Variants in SYT1 observed in about 807,000 individuals in gnomAD.
SYT1 encodes synaptotagmin-1.
Under a neutral mutation model 44.8 loss-of-function variants are expected in SYT1, and 8 were observed. The ratio of observed to expected loss-of-function variants is 0.18; its 90% confidence interval spans 0.10 to 0.32. SYT1 has a LOEUF of 0.32. Ranked by LOEUF, SYT1 falls within the 10% of genes least tolerant of loss-of-function variation. The pLI is 1.00. For synonymous variants in SYT1, 154 were observed against 188.8 expected, an observed-to-expected ratio of 0.82 and a Z score of 1.51; for missense variants, 286 against 509.3, an observed-to-expected ratio of 0.56 and a Z score of 4.22.
At position 79,314,124 on chromosome 12, in the gene SYT1, G is replaced by C. The variant is rs564778358; in HGVS notation, c.810+14573G>C. Among the ~76,000 whole-genome samples the C allele has an allele frequency of 1.3e-3, 175 of 137,866 alleles. 2 individuals carry two copies. Among genetic ancestry groups the C allele is most frequent in the African/African-American group, 4.7e-3 (162 of 34,286 alleles). The allele number at this position is 137,866 out of a possible 152,430, so 90.4% of individuals were successfully genotyped here. A position where few individuals can be genotyped will look rare whatever the true frequency, so the allele number is the denominator to read the frequency against. On this transcript the variant is annotated intron_variant, in intron 8 of 10. Coordinates refer to ENST00000261205, the MANE Select transcript of SYT1 (RefSeq NM_005639.3). ...GCGGAGCTTGCAGTGAGCCGAGATC[G>C]CGCCACTGCACTCCAGCCTGGGCGA...
intron 3 of SYT1, among the ~76,000 whole-genome samples, chr12:79,200,547 C>T (rs1477777790): frequency 2.0e-5 from 3 of 152,104 alleles, no homozygotes; most frequent in Admixed American, 2.0e-4. Flanking sequence ...CTCTGCCAGA[C>T]AGAAAATGCT....
intron 8 of SYT1, among the ~76,000 whole-genome samples, chr12:79,320,644 T>C (rs1270423432): frequency 2.0e-5 from 3 of 148,914 alleles, no homozygotes; most frequent in African/African-American, 7.5e-5. Context: ...TTTTTCTTTT[T>C]CCCCTTTTTT....
intron 1 of SYT1, among the ~76,000 whole-genome samples, chr12:78,930,366 A>G (rs935105305): frequency 2.6e-5 from 4 of 152,128 alleles, no homozygotes; most frequent in African/African-American, 9.7e-5. Flanking sequence ...GAAGGAAAAT[A>G]CAATGCAAAT....
At chr12:79,160,878 A>G (rs1241245017) in intron 3 of SYT1, among the ~76,000 whole-genome samples, 2 of 152,150 alleles carry the variant, frequency 1.3e-5, no homozygotes, top group South Asian at 2.1e-4. Context: ...AGCAGAAGTC[A>G]TGTGGTGCAT....
intron 4 of SYT1, among the ~76,000 whole-genome samples, chr12:79,232,020 T>A (rs963300683): frequency 6.6e-6 from 1 of 152,234 alleles, no homozygotes; most frequent in Non-Finnish European, 1.5e-5. Flanking sequence ...TTCAAAATTC[T>A]GACTCTACCA....
chr12:79,377,290 T>A (rs1236884503), intron 9 of SYT1, among the ~76,000 whole-genome samples: 1 of 152,178 alleles, frequency 6.6e-6, no homozygotes, highest in East Asian at 1.9e-4. Context: ...TTTTTGTATT[T>A]TCAGTAGAGA....
chr12:79,301,198 G>A (rs923104292), intron 8 of SYT1, among the ~76,000 whole-genome samples: 1 of 152,048 alleles, frequency 6.6e-6, no homozygotes, highest in African/African-American at 2.4e-5. Flanking sequence ...GGTTGAATAT[G>A]AGAACATGAA....
At chr12:79,048,522 G>A (rs1028663786) in intron 3 of SYT1, among the ~76,000 whole-genome samples, 1 of 151,840 alleles carries the variant, frequency 6.6e-6, no homozygotes, top group Non-Finnish European at 1.5e-5. Context: ...TGAAGGTTAT[G>A]TATGTTACAA....
At chr12:79,063,375 A>G (rs1352250825) in intron 3 of SYT1, among the ~76,000 whole-genome samples, 1 of 152,162 alleles carries the variant, frequency 6.6e-6, no homozygotes, top group Non-Finnish European at 1.5e-5. Context: ...GCAAAAGCAT[A>G]ATAATGTTTT....
chr12:79,389,388 G>A (rs1310284056), intron 9 of SYT1, among the ~76,000 whole-genome samples: 2 of 152,100 alleles, frequency 1.3e-5, no homozygotes, highest in Non-Finnish European at 2.9e-5. Flanking sequence ...AAGAAATTGA[G>A]ACCATTTTTA....
At chr12:79,246,593 T>C (rs1360353397) in intron 4 of SYT1, among the ~76,000 whole-genome samples, 1 of 152,210 alleles carries the variant, frequency 6.6e-6, no homozygotes, top group African/African-American at 2.4e-5. Flanking sequence ...GAACACTGTC[T>C]CCTCACACGG....
intron 1 of SYT1, among the ~76,000 whole-genome samples, chr12:78,972,069 A>G (rs1277147664): frequency 6.6e-6 from 1 of 152,124 alleles, no homozygotes; most frequent in Non-Finnish European, 1.5e-5. Flanking sequence ...ACAATTTGTA[A>G]TCATTTAATT....
At chr12:78,953,701 A>C (rs1289365146) in intron 1 of SYT1, among the ~76,000 whole-genome samples, 2 of 152,110 alleles carry the variant, frequency 1.3e-5, no homozygotes, top group African/African-American at 4.8e-5. Flanking sequence ...TAGCCAAAAG[A>C]AAAACCATTT....
chr12:79,017,164 A>G (rs1396396744), intron 2 of SYT1, among the ~76,000 whole-genome samples: 1 of 152,200 alleles, frequency 6.6e-6, no homozygotes, highest in Non-Finnish European at 1.5e-5. Context: ...TCTCTGCTTT[A>G]TGATAGGTAG....
chr12:79,221,981 C>G (rs1009098003), intron 4 of SYT1, among the ~76,000 whole-genome samples: 3 of 152,054 alleles, frequency 2.0e-5, no homozygotes, highest in African/African-American at 7.2e-5. Flanking sequence ...ATAAGACAGG[C>G]CTGGTGGTAA....
At chr12:79,233,624 C>G (rs995731025) in intron 4 of SYT1, among the ~76,000 whole-genome samples, 1 of 152,240 alleles carries the variant, frequency 6.6e-6, no homozygotes, top group African/African-American at 2.4e-5. Flanking sequence ...TCTCACCTTT[C>G]TACAGCTGCT....
chr12:78,963,246 C>G (rs1879607170), intron 1 of SYT1, among the ~76,000 whole-genome samples: 1 of 151,978 alleles, frequency 6.6e-6, no homozygotes, highest in South Asian at 2.1e-4. Flanking sequence ...GGAAAAACAT[C>G]ATGACATTGG....
intron 3 of SYT1, among the ~76,000 whole-genome samples, chr12:79,117,145 G>A (rs917987661): frequency 6.6e-6 from 1 of 152,080 alleles, no homozygotes; most frequent in African/African-American, 2.4e-5. Flanking sequence ...GAGAGATGGT[G>A]GTCCCAATAA....
chr12:78,885,898 T>C (rs984915620), intron 1 of SYT1, among the ~76,000 whole-genome samples: 6 of 152,022 alleles, frequency 3.9e-5, no homozygotes, highest in African/African-American at 1.4e-4. Context: ...TTGGACTTTG[T>C]TGGCCTATGA....
Sources: gnomAD v4.1 joint callset for allele counts (sites outside exome capture counted in the v4.1 genomes callset) on GRCh38, gnomAD v4.1.1 for gene constraint, MANE v1.5 for transcripts, NCBI Gene and HGNC (gene_info 2026-07-23, HGNC 2026-07-21) for gene names.